Variants in OTUD7A observed in about 807,000 individuals in gnomAD.
OTUD7A encodes OTU domain-containing protein 7A.
A neutral mutation model predicts 65.7 loss-of-function variants in OTUD7A; 12 were observed. The ratio of observed to expected loss-of-function variants is 0.18; its 90% CI spans 0.12 to 0.30. The LOEUF is 0.30. Among genes scored for constraint, OTUD7A ranks in the 10% least tolerant of loss-of-function variants. The pLI, the probability that OTUD7A is intolerant of heterozygous loss-of-function variation, is 1.00. For synonymous variants in OTUD7A, 641 were observed against 586.3 expected (o/e 1.09, Z -1.35); for missense variants, 1,148 against 1,304.8 (o/e 0.88, Z 1.85).
At chr15:31,749,183 G>T (rs928398690) in intron 1 of OTUD7A, among the ~76,000 whole-genome samples, 4 of 151,960 alleles carry the variant, frequency 2.6e-5, no homozygotes, top group African/African-American at 9.7e-5. Flanking sequence ...TATACCTAAC[G>T]TTAAATGACG....
At chr15:31,749,442 C>T (rs1055567585) in intron 1 of OTUD7A, among the ~76,000 whole-genome samples, 10 of 152,120 alleles carry the variant, frequency 6.6e-5, no homozygotes, top group Middle Eastern at 3.2e-3. Context: ...GAGCCAACAA[C>T]GCCACATCAT....
chr15:31,666,960 A>T (rs1892337690), intron 1 of OTUD7A, among the ~76,000 whole-genome samples: 1 of 152,110 alleles, frequency 6.6e-6, no homozygotes, highest in Admixed American at 6.5e-5. Flanking sequence ...TTTGGAATTG[A>T]TTTCCAGTTT....
chr15:31,635,702 C>A (rs868606512), intron 3 of OTUD7A, among the ~76,000 whole-genome samples: 8 of 152,306 alleles, frequency 5.3e-5, no homozygotes, highest in Non-Finnish European at 8.8e-5. Flanking sequence ...TTGAAAAAGT[C>A]GATGTAACTG....
At chr15:31,522,917 AG>A (rs2041957437) in intron 8 of OTUD7A, among the ~76,000 whole-genome samples, 1 of 152,216 alleles carries the variant, frequency 6.6e-6, no homozygotes, top group African/African-American at 2.4e-5. Context: ...CCAATAGTAC[AG>A]GGGCTGCCCC....
chr15:31,794,504 G>A (rs1325671218), intron 1 of OTUD7A, among the ~76,000 whole-genome samples: 1 of 151,626 alleles, frequency 6.6e-6, no homozygotes, highest in African/African-American at 2.4e-5. Flanking sequence ...GGTATAATAT[G>A]GGGGAGGGAG....
intron 4 of OTUD7A, among the ~76,000 whole-genome samples, chr15:31,559,898 C>T (rs1296339496): frequency 2.0e-5 from 3 of 152,118 alleles, no homozygotes. Context: ...TCCTACAAGC[C>T]TTTTCTATCC....
At chr15:31,491,452 A>G (rs1047270846) in intron 10 of OTUD7A, among the ~76,000 whole-genome samples, 1 of 152,236 alleles carries the variant, frequency 6.6e-6, no homozygotes, top group Non-Finnish European at 1.5e-5. Flanking sequence ...GTTACTAGAA[A>G]TGACACAAAC....
At chr15:31,529,181 G>C (rs558896560) in intron 6 of OTUD7A, among the ~76,000 whole-genome samples, 370 of 152,310 alleles carry the variant, frequency 2.4e-3, no homozygotes, top group Middle Eastern at 0.01. Flanking sequence ...TCACAATGAG[G>C]CTGCTGTTTG....
intron 3 of OTUD7A, among the ~76,000 whole-genome samples, chr15:31,648,770 T>C (rs184103941): frequency 1.3e-5 from 2 of 152,296 alleles, no homozygotes; most frequent in Non-Finnish European, 2.9e-5. Flanking sequence ...TTTATTATTA[T>C]TATGTTTTCA....
chr15:31,824,076 T>C (rs987706781), intron 1 of OTUD7A, among the ~76,000 whole-genome samples: 2 of 152,182 alleles, frequency 1.3e-5, no homozygotes, highest in Non-Finnish European at 2.9e-5. Flanking sequence ...AAGAGCATAG[T>C]AGGGGCAGCA....
chr15:31,532,942 A>G (rs866333011), intron 5 of OTUD7A, among the ~76,000 whole-genome samples: 2,790 of 151,370 alleles, frequency 0.018, 86 homozygotes, highest in African/African-American at 0.064. Context: ...TCAAAAAAAA[A>G]AAAAAAAAAA....
chr15:31,484,814 C>T lies in OTUD7A; in HGVS notation c.1372-90G>A. 4 of 1,501,998 alleles carry T rather than the reference C, an allele frequency of 2.7e-6. No individual in the cohort carries two copies. Among genetic ancestry groups the T allele is most frequent in the South Asian group, 1.3e-5 (1 of 76,888 alleles). 93.0% of individuals were successfully genotyped at this position (1,501,998 alleles called of 1,614,324 possible). ...AAGACACACCTTGCCCCTGTGTTGC[C>T]GAGGCTAGGGCCCTGGACCTTCACT... On this transcript the variant is annotated intron_variant, in intron 12 of 12. Coordinates refer to ENST00000307050, the MANE Select transcript of OTUD7A (RefSeq NM_001382637.1). This position sits in a 1 kb window ranked among gnomAD's most constrained non-coding sequence, Gnocchi z 4.5.
At chr15:31,545,080 A>T (rs1888091098) in intron 5 of OTUD7A, among the ~76,000 whole-genome samples, 2 of 152,092 alleles carry the variant, frequency 1.3e-5, no homozygotes, top group Non-Finnish European at 1.5e-5. Flanking sequence ...AAAATGATTT[A>T]AACTTAATGA....
At chr15:31,843,479 T>C (rs2140996602) in intron 1 of OTUD7A, among the ~76,000 whole-genome samples, 1 of 152,296 alleles carries the variant, frequency 6.6e-6, no homozygotes, top group East Asian at 1.9e-4. Context: ...AAATGTATCA[T>C]TTTGAAATGA....
chr15:31,484,476 G>C lies in OTUD7A; in HGVS notation c.1620C>G (p.Gly540=). ...TGCCGTGCACCAGGCCGCCGAGGCCGCCCATGTTTTTCTTCAGCTTGATGC... is the reference window on the plus strand; with the variant it reads ...TGCCGTGCACCAGGCCGCCGAGGCCCCCCATGTTTTTCTTCAGCTTGATGC... ...TLGIKLKKNM[G]GLGGLVHGKM... The change falls in exon 13 of 13, where the codon GGC becomes GGG. Residue 540 remains glycine (G), a synonymous_variant. Transcript: ENST00000307050. The surrounding 1 kb of genome is among the most constrained non-coding windows in gnomAD (Gnocchi z 4.5). The C allele has an allele frequency of 1.9e-6, 3 of 1,606,998 alleles. No homozygotes were observed. The highest frequency in any genetic ancestry group is 2.5e-6 in the Non-Finnish European group (3 of 1,179,930).
At position 31,501,693 on chromosome 15, in the gene OTUD7A, G is replaced by T. The variant is rs1482811409; in HGVS notation, c.1168C>A (p.Gln390Lys). ...SMEQRDQQREQAVIPLTDSEH... is the reference protein window; with the variant it reads ...SMEQRDQQREKAVIPLTDSEH... ...CTCTCTTGGGAGACAGGCATACCTT[G>T]TTCTCTTTGCTGGTCTCTCTGTTCC... Residue 390 changes from glutamine (Q) to lysine (K), a missense_variant, in exon 10 of 13, where the codon CAA (glutamine) becomes AAA (lysine). By Grantham distance (53) the Gln-to-Lys change is moderately conservative. Transcript: ENST00000307050. 1 of 1,614,054 alleles carries T rather than the reference G, an allele frequency of 6.2e-7. No homozygotes were observed. Among genetic ancestry groups the T allele is most frequent in the Non-Finnish European group, 8.5e-7 (1 of 1,180,040 alleles).
At chr15:31,787,983 CT>C (rs1439086993) in intron 1 of OTUD7A, among the ~76,000 whole-genome samples, 1 of 152,182 alleles carries the variant, frequency 6.6e-6, no homozygotes, top group African/African-American at 2.4e-5. Context: ...ATACAATTAT[CT>C]TGTAGTTGGC....
At chr15:31,868,677 T>G (rs991368129) in intron 1 of OTUD7A, among the ~76,000 whole-genome samples, 1 of 152,140 alleles carries the variant, frequency 6.6e-6, no homozygotes, top group African/African-American at 2.4e-5. Context: ...CAGAGAAAGG[T>G]GTCCCCTCTC....
intron 1 of OTUD7A, among the ~76,000 whole-genome samples, chr15:31,726,784 G>A (rs143868080): frequency 9.8e-5 from 15 of 152,318 alleles, no homozygotes; most frequent in African/African-American, 1.7e-4. Flanking sequence ...TAGAAGTGAC[G>A]ATGGCATTGC....
Sources: allele counts gnomAD v4.1 joint callset (sites outside exome capture counted in the v4.1 genomes callset), GRCh38; gene constraint gnomAD v4.1.1; non-coding constraint Gnocchi (gnomAD v3.1); transcripts MANE v1.5; gene names NCBI Gene and HGNC (gene_info 2026-07-23, HGNC 2026-07-21).